SYN2: variants seen among roughly 807,000 people sequenced by gnomAD.
SYN2 encodes the protein synapsin II, also known as synapsin-2.
A neutral mutation model predicts 50.9 loss-of-function variants in SYN2; 19 were observed. The ratio of observed to expected loss-of-function variants is 0.37; its 90% confidence interval spans 0.26 to 0.55. SYN2 has a LOEUF of 0.55. Ranked by LOEUF, SYN2 falls within the 20% of genes least tolerant of loss-of-function variation. The pLI is 0.81. For missense variants in SYN2, 587 were observed against 576.4 expected, an observed-to-expected ratio of 1.02 and a Z score of -0.19; for synonymous variants, 255 against 224.9, an observed-to-expected ratio of 1.13 and a Z score of -1.20.
intron 1 of SYN2, among the ~76,000 whole-genome samples, chr3:12,033,163 G>C (rs1183225152): frequency 6.6e-6 from 1 of 151,918 alleles, no homozygotes; most frequent in African/African-American, 2.4e-5. Context: ...GTGTGCCCCT[G>C]CTGGGGGGTG....
intron 11 of SYN2, 186 bp downstream of exon 11, chr3:12,183,558 G>T: frequency 6.6e-7 from 1 of 1,516,248 alleles, no homozygotes; most frequent in Non-Finnish European, 8.8e-7. Flanking sequence ...TTTCAATGCT[G>T]ACTGGACTGT....
At position 12,104,790 on chromosome 3, in the gene SYN2, G is replaced by T. The variant is rs542574101; in HGVS notation, c.378-35861G>T. On this transcript the variant is annotated intron_variant, in intron 1 of 12. Transcript: ENST00000621198. Reference sequence around the variant, plus strand: ...GAGTTTCACCATGTTGGCTAGGCTGGTCTCCTGACCTCAGGTGATCTACCC... The same window carrying T: ...GAGTTTCACCATGTTGGCTAGGCTGTTCTCCTGACCTCAGGTGATCTACCC... Among the ~76,000 whole-genome samples, 32 of 151,942 alleles carry T rather than the reference G, an allele frequency of 2.1e-4. 1 individual carries two copies. The South Asian group carries it at 6.0e-3, about 29-fold the overall frequency.
chr3:12,070,748 TC>T, intron 1 of SYN2: 1 of 761,970 alleles, frequency 1.3e-6, no homozygotes. Context: ...GCCTAAGCCC[TC>T]CCCCATGCCG....
chr3:12,025,315 T>C (rs1162377384), intron 1 of SYN2, among the ~76,000 whole-genome samples: 1 of 152,216 alleles, frequency 6.6e-6, no homozygotes, highest in East Asian at 1.9e-4. Flanking sequence ...AACGTGGTAT[T>C]GTCAGTATTT....
chr3:12,147,105 C>T (rs1054872920), intron 4 of SYN2, among the ~76,000 whole-genome samples: 2 of 152,166 alleles, frequency 1.3e-5, no homozygotes, highest in African/African-American at 4.8e-5. Context: ...AGCTGTCACA[C>T]GCCCTGGATT....
intron 1 of SYN2, among the ~76,000 whole-genome samples, chr3:12,133,087 T>C (rs1400162972): frequency 1.3e-5 from 2 of 152,238 alleles, no homozygotes. Context: ...ATCTGTAACC[T>C]TGGCAATTTC....
chr3:12,070,976 T>A lies in SYN2; in HGVS notation c.377+66048T>A, dbSNP rs1695339358. ...AGCTAGGAGCTGCCTGACAGCCTGG[T>A]CATCACCATTGGCAACAAGTGGTCC... On this transcript the variant is annotated intron_variant, in intron 1 of 12. Coordinates refer to ENST00000621198, the MANE Select transcript of SYN2 (RefSeq NM_133625.6). 3 of 548,002 alleles carry A rather than the reference T, an allele frequency of 5.5e-6. No individual in the cohort carries two copies. In the Admixed American group the frequency reaches 5.8e-5, roughly 11 times the overall value. The allele number at this position is 548,002 out of a possible 1,614,324, so 33.9% of individuals were successfully genotyped here.
intron 1 of SYN2, chr3:12,070,480 TGAA>T (rs981060159): frequency 3.1e-5 from 19 of 618,754 alleles, no homozygotes; most frequent in Middle Eastern, 6.8e-4. Flanking sequence ...TGGGATGACA[TGAA>T]GAAGATTTGG....
At chr3:12,189,419 A>T (rs898568366) in intron 12 of SYN2, among the ~76,000 whole-genome samples, 1 of 152,166 alleles carries the variant, frequency 6.6e-6, no homozygotes, top group Non-Finnish European at 1.5e-5. Flanking sequence ...GGCCTGATAT[A>T]TATCTCTTTT....
In SYN2 at chr3:12,099,037, A is replaced by C. The variant is rs1232540937; in HGVS notation, c.378-41614A>C. Reference sequence around the variant, plus strand: ...ATGTAACAATTATGATCATATACGCACCTAATAACAGAGCTTCAACATACA... The same window carrying C: ...ATGTAACAATTATGATCATATACGCCCCTAATAACAGAGCTTCAACATACA... On this transcript the variant is annotated intron_variant, in intron 1 of 12. Transcript: ENST00000621198. Among the ~76,000 whole-genome samples, 6 of 152,042 alleles carry C rather than the reference A, an allele frequency of 3.9e-5. 1 individual carries two copies. The highest frequency in any genetic ancestry group is 3.9e-4 in the Admixed American group (6 of 15,266).
intron 1 of SYN2, among the ~76,000 whole-genome samples, chr3:12,034,962 G>T (rs1355163458): frequency 6.6e-6 from 1 of 152,162 alleles, no homozygotes; most frequent in Non-Finnish European, 1.5e-5. Context: ...ATATGGGTGA[G>T]ACTCAAGGCA....
intron 1 of SYN2, among the ~76,000 whole-genome samples, chr3:12,011,460 T>A (rs1693910992): frequency 2.0e-5 from 3 of 152,208 alleles, no homozygotes; most frequent in Admixed American, 1.3e-4. Context: ...ATACCACAGG[T>A]GCCTGAACTC....
At chr3:12,042,422 C>G (rs752893970) in intron 1 of SYN2, among the ~76,000 whole-genome samples, 15 of 152,214 alleles carry the variant, frequency 9.9e-5, no homozygotes, top group Non-Finnish European at 1.9e-4. Context: ...GCTGACTTGC[C>G]TTGTGTTTTC....
Position 12,099,268 on chromosome 3 carries a change from A to C in SYN2, c.378-41383A>C, listed in dbSNP as rs74280632. 3.9e-5 allele frequency among the ~76,000 whole-genome samples: 6 copies of C among 152,194 alleles called. No homozygotes were observed. In the East Asian group the frequency reaches 1.2e-3, roughly 29 times the overall value. ...CAATAGTAGAATGCCTATTCTTCTCAAGGGCACATGGAACATTCTTTAAGA... is the reference window on the plus strand; with the variant it reads ...CAATAGTAGAATGCCTATTCTTCTCCAGGGCACATGGAACATTCTTTAAGA... On this transcript the variant is annotated intron_variant, in intron 1 of 12. Coordinates refer to ENST00000621198, the MANE Select transcript of SYN2 (RefSeq NM_133625.6).
intron 10 of SYN2, among the ~76,000 whole-genome samples, chr3:12,175,169 T>G (rs913193124): frequency 2.8e-4 from 42 of 152,330 alleles, no homozygotes; most frequent in Middle Eastern, 3.4e-3. Context: ...ACAAATGACA[T>G]TGATAAAATA....
chr3:12,161,171 C>T (rs1305366053), intron 5 of SYN2, among the ~76,000 whole-genome samples: 2 of 152,180 alleles, frequency 1.3e-5, no homozygotes, highest in Non-Finnish European at 2.9e-5. Context: ...AATAAAAATA[C>T]AGGTTTATTA....
rs565966176 is a variant in SYN2 at position 12,082,994 on chromosome 3, G to A, written c.378-57657G>A. On this transcript the variant is annotated intron_variant, in intron 1 of 12. Transcript: ENST00000621198. Reference sequence around the variant, plus strand: ...ACCTAGTAGAAAAACCTACTTTCCCGTAATATTTAACCATTCTTCTTCTTA... The same window carrying A: ...ACCTAGTAGAAAAACCTACTTTCCCATAATATTTAACCATTCTTCTTCTTA... 7.2e-5 allele frequency among the ~76,000 whole-genome samples: 11 copies of A among 152,062 alleles called. No individual in the cohort carries two copies. In the East Asian group the frequency reaches 1.7e-3, roughly 24 times the overall value.
In SYN2 at chr3:12,062,370, C is replaced by T. The variant is rs534748040; in HGVS notation, c.377+57442C>T. On this transcript the variant is annotated intron_variant, in intron 1 of 12. Coordinates refer to ENST00000621198, the MANE Select transcript of SYN2 (RefSeq NM_133625.6). ...ACAAAAATTAAAATGGACCATAAAC[C>T]GAAATCTGAAATTTAAAACTAGAAA... 9.2e-5 allele frequency among the ~76,000 whole-genome samples: 14 copies of T among 151,850 alleles called. No homozygotes were observed. The South Asian group carries it at 2.7e-3, about 29-fold the overall frequency.
rs1381721573 is a variant in SYN2, at chr3:12,028,130, T to A, written c.377+23202T>A. On this transcript the variant is annotated intron_variant, in intron 1 of 12. Transcript: ENST00000621198. ...ATGAGTGAGAATATGCGGTGTTTGG[T>A]TTTTTGTTCTTGGCGATAGTTTACT... Among the ~76,000 whole-genome samples, 3 of 145,218 alleles carry A rather than the reference T, an allele frequency of 2.1e-5. No homozygotes were observed. In the East Asian group the frequency reaches 6.3e-4, roughly 31 times the overall value.
Sources: allele counts gnomAD v4.1 joint callset (sites outside exome capture counted in the v4.1 genomes callset), GRCh38; gene constraint gnomAD v4.1.1; transcripts MANE v1.5; gene names NCBI Gene and HGNC (gene_info 2026-07-23, HGNC 2026-07-21).